Variants in PDE8B observed in about 807,000 individuals in gnomAD.
PDE8B encodes the protein phosphodiesterase 8B, also known as high affinity cAMP-specific and IBMX-insensitive 3',5'-cyclic phosphodiesterase 8B.
In PDE8B, 26 loss-of-function variants were observed where a neutral mutation model predicts 101.3. The observed-to-expected ratio is 0.26, with a 90% CI of 0.19 to 0.36. The LOEUF is 0.36. PDE8B is among the 10% of genes least tolerant of loss of function. The pLI is 1.00. For synonymous variants in PDE8B, 424 were observed against 429.3 expected (o/e 0.99, Z 0.15); for missense variants, 810 against 1,163.1 (o/e 0.70, Z 4.42).
At chr5:77,325,514 A>T (rs182050842) in intron 2 of PDE8B, 25 bp from the exon 3 acceptor site, 1 of 1,607,428 alleles carries the variant, frequency 6.2e-7, no homozygotes, top group Non-Finnish European at 8.5e-7. Flanking sequence ...ATTTATTTCA[A>T]GATGCCCTTT....
intron 10 of PDE8B, among the ~76,000 whole-genome samples, chr5:77,383,126 C>T (rs535819022): frequency 1.3e-5 from 2 of 152,296 alleles, no homozygotes; most frequent in African/African-American, 2.4e-5. Flanking sequence ...TGATGATGGC[C>T]ACTCTAACTG....
upstream of PDE8B, among the ~76,000 whole-genome samples, chr5:77,205,498 C>T (rs772546682): frequency 1.4e-4 from 22 of 151,914 alleles, no homozygotes; most frequent in Non-Finnish European, 3.2e-4. Context: ...TGTAGGCATT[C>T]GTTTCTCTGT....
At chr5:77,243,786 A>G (rs989288120) in intron 1 of PDE8B, among the ~76,000 whole-genome samples, 6 of 152,144 alleles carry the variant, frequency 3.9e-5, no homozygotes, top group Admixed American at 3.9e-4. Flanking sequence ...TTTTGCTATT[A>G]TAAGTAATGC....
chr5:77,167,543 C>A, the PDE8B span, among the ~76,000 whole-genome samples: 1 of 152,200 alleles, frequency 6.6e-6, no homozygotes, highest in African/African-American at 2.4e-5. Context: ...CACGTCGATG[C>A]GGAGGGTGCA....
the PDE8B span, chr5:77,104,649 C>G: frequency 1.3e-5 from 2 of 152,124 alleles, no homozygotes; most frequent in Admixed American, 6.5e-5. Flanking sequence ...GTCCAGAACT[C>G]TGAGAAATAA....
chr5:77,236,295 G>A (rs1207431220), intron 1 of PDE8B, among the ~76,000 whole-genome samples: 1 of 152,212 alleles, frequency 6.6e-6, no homozygotes, highest in Non-Finnish European at 1.5e-5. Flanking sequence ...AAATGTGGGA[G>A]TCATCAGTGC....
chr5:77,338,702 T>A, intron 6 of PDE8B, among the ~76,000 whole-genome samples: 1 of 152,204 alleles, frequency 6.6e-6, no homozygotes, highest in Non-Finnish European at 1.5e-5. Context: ...TGTTTTTAAT[T>A]GAAGGTTAAA....
At chr5:77,284,605 C>CAGT (rs1765633219) in intron 1 of PDE8B, among the ~76,000 whole-genome samples, 1 of 152,150 alleles carries the variant, frequency 6.6e-6, no homozygotes, top group African/African-American at 2.4e-5. Flanking sequence ...GCAATAGAAC[C>CAGT]AGTACTTCAG....
intron 14 of PDE8B, 36 bp from the exon 15 acceptor site, chr5:77,411,639 TA>T: frequency 6.5e-7 from 1 of 1,533,916 alleles, no homozygotes; most frequent in Non-Finnish European, 9.0e-7. Flanking sequence ...ATAATAGATA[TA>T]AAGCATGCTT....
rs554434332 is a variant in PDE8B at position 77,423,343 on chromosome 5, G to A, written c.2418+1355G>A. Among the ~76,000 whole-genome samples, 40 of 152,314 alleles carry A rather than the reference G, an allele frequency of 2.6e-4. No individual in the cohort carries two copies. The South Asian group carries it at 7.9e-3, about 30-fold the overall frequency. On this transcript the variant is annotated intron_variant, in intron 20 of 21. Transcript: ENST00000264917. ...ACATGCAAGTACAGGTGTCTCTTCAGTAGAATGATTTATTTTCCTTTGGGT... is the reference window on the plus strand; with the variant it reads ...ACATGCAAGTACAGGTGTCTCTTCAATAGAATGATTTATTTTCCTTTGGGT...
chr5:77,336,414 C>T (rs896102381), intron 5 of PDE8B, among the ~76,000 whole-genome samples: 5 of 152,178 alleles, frequency 3.3e-5, no homozygotes, highest in Non-Finnish European at 5.9e-5. Context: ...CTGACAACCA[C>T]CAGTCTGCAT....
At chr5:77,137,533 C>G in the PDE8B span, among the ~76,000 whole-genome samples, 1 of 152,202 alleles carries the variant, frequency 6.6e-6, no homozygotes, top group Non-Finnish European at 1.5e-5. Flanking sequence ...CCAAGCTATT[C>G]TAGTGGCCAT....
intron 10 of PDE8B, among the ~76,000 whole-genome samples, chr5:77,375,914 C>T (rs1274866016): frequency 0.016 from 659 of 40,844 alleles, 4 homozygotes; most frequent in African/African-American, 0.068. Flanking sequence ...TTTTTTGAGG[C>T]GGAGTTTTGC....
chr5:77,116,036 G>A, the PDE8B span, among the ~76,000 whole-genome samples: 3 of 151,890 alleles, frequency 2.0e-5, no homozygotes, highest in East Asian at 1.9e-4. Context: ...TCGATAGAAC[G>A]GTCTCACAAG....
At chr5:77,397,682 T>C (rs1398401542) in intron 10 of PDE8B, among the ~76,000 whole-genome samples, 7 of 152,212 alleles carry the variant, frequency 4.6e-5, no homozygotes, top group Non-Finnish European at 7.3e-5. Context: ...TATATTCTTA[T>C]ATTACTGGCT....
intron 1 of PDE8B, among the ~76,000 whole-genome samples, chr5:77,249,835 T>A (rs1757702420): frequency 6.6e-6 from 1 of 152,154 alleles, no homozygotes; most frequent in Admixed American, 6.5e-5. Context: ...GATTCCAGAA[T>A]GAAAAAAACC....
chr5:77,209,107 G>A (rs1747764614), upstream of PDE8B, among the ~76,000 whole-genome samples: 1 of 152,062 alleles, frequency 6.6e-6, no homozygotes, highest in Admixed American at 6.5e-5. Context: ...GAAATTTTAT[G>A]AGCAATTTGC....
chr5:77,121,056 T>A, the PDE8B span, among the ~76,000 whole-genome samples: 101,717 of 152,096 alleles, frequency 0.67, 34,213 homozygotes, highest in South Asian at 0.82. Flanking sequence ...TCATTGCTGC[T>A]TAACAGATTA....
intron 1 of PDE8B, among the ~76,000 whole-genome samples, chr5:77,257,063 A>T (rs888249901): frequency 3.9e-5 from 6 of 152,234 alleles, no homozygotes; most frequent in Admixed American, 6.5e-5. Flanking sequence ...AAAAGTAGAT[A>T]TATCTAATAA....
Sources: gnomAD v4.1 joint callset for allele counts (sites outside exome capture counted in the v4.1 genomes callset) on GRCh38, gnomAD v4.1.1 for gene constraint, MANE v1.5 for transcripts, NCBI Gene and HGNC (gene_info 2026-07-23, HGNC 2026-07-21) for gene names.